The following LITAF variants were observed in gnomAD, a reference collection of about 807,000 sequenced individuals.
The protein encoded by LITAF is lipopolysaccharide-induced tumor necrosis factor-alpha factor.
Under a neutral mutation model 14.5 loss-of-function variants are expected in LITAF, and 9 were observed. The observed-to-expected ratio is 0.62, with a 90% confidence interval of 0.37 to 1.08. The LOEUF (loss-of-function observed/expected upper bound fraction) is 1.08, where lower values mean the gene tolerates loss of function less well. Ranked by LOEUF, LITAF falls within the 50% of genes least tolerant of loss-of-function variation. LITAF has a pLI of 0.01. For missense variants in LITAF, 206 were observed against 213.4 expected (o/e 0.97, Z 0.22); for synonymous variants, 98 against 88.2 (o/e 1.11, Z -0.62).
upstream of LITAF, among the ~76,000 whole-genome samples, chr16:11,637,015 G>A (rs112574898): frequency 1.1e-3 from 163 of 151,896 alleles, 1 homozygote; most frequent in African/African-American, 3.7e-3. Flanking sequence ...GATTACAGGC[G>A]CACACCACCA....
chr16:11,579,387 C>G (rs1189221359), intron 1 of LITAF, among the ~76,000 whole-genome samples: 2 of 151,700 alleles, frequency 1.3e-5, no homozygotes, highest in Non-Finnish European at 2.9e-5. Flanking sequence ...GGAGGCGGAG[C>G]TTGCAGTGAG....
In LITAF at chr16:11,548,944, G is replaced by T; in HGVS notation, c.*693C>A. The T allele has an allele frequency of 2.2e-6, 1 of 454,016 alleles. No individual in the cohort carries two copies. Among genetic ancestry groups the T allele is most frequent in the Middle Eastern group, 6.9e-4 (1 of 1,444 alleles). 28.1% of individuals were successfully genotyped at this position (454,016 alleles called of 1,614,324 possible). A position where few individuals can be genotyped will look rare whatever the true frequency, so the allele number is the denominator to read the frequency against. On this transcript the variant is annotated 3_prime_UTR_variant, in exon 4 of 4. Coordinates refer to ENST00000622633, the MANE Select transcript of LITAF (RefSeq NM_001136472.2). The stretch of plus-strand genomic sequence containing the variant: ...AGGGGCACTGAAGATCTGGCACAGA[G>T]AAACAAGGGGAGACAGGGCAGTGAT...
chr16:11,609,399 A>C (rs2064970625), intron 3 of LITAF, among the ~76,000 whole-genome samples: 5 of 151,850 alleles, frequency 3.3e-5, no homozygotes. Flanking sequence ...TTTTTAGTAG[A>C]GATGAGGTTT....
chr16:11,558,691 G>C lies in LITAF; in HGVS notation c.-5-1956C>G, dbSNP rs1020096324. Among the ~76,000 whole-genome samples the C allele has an allele frequency of 2.0e-5, 3 of 152,156 alleles. No individual in the cohort carries two copies. Among genetic ancestry groups the C allele is most frequent in the African/African-American group, 4.8e-5 (2 of 41,430 alleles). ...CCACTGCACTCCAGCCTGGGAAACA[G>C]AGCGAGACTCTGTCTCAAAAACAAA... On this transcript the variant is annotated intron_variant, in intron 1 of 3. Coordinates refer to ENST00000622633, the MANE Select transcript of LITAF (RefSeq NM_001136472.2). The surrounding 1 kb of genome is among the most constrained non-coding windows in gnomAD (Gnocchi z 4.1).
intron 3 of LITAF, among the ~76,000 whole-genome samples, chr16:11,610,804 A>G (rs2064978402): frequency 6.6e-6 from 1 of 152,120 alleles, no homozygotes. Context: ...CCTGTAATGT[A>G]CCAGAAGGGG....
chr16:11,608,782 G>A (rs974711687), intron 3 of LITAF, among the ~76,000 whole-genome samples: 1 of 152,146 alleles, frequency 6.6e-6, no homozygotes, highest in East Asian at 1.9e-4. Flanking sequence ...GGCCAACATG[G>A]TGAAACCCTG....
At chr16:11,571,770 CCT>C (rs2064544600) in intron 1 of LITAF, among the ~76,000 whole-genome samples, 1 of 152,150 alleles carries the variant, frequency 6.6e-6, no homozygotes, top group African/African-American at 2.4e-5. Flanking sequence ...CCAATCACGC[CCT>C]CTCGGCTGGC....
chr16:11,585,896 G>C (rs754622197), intron 1 of LITAF, among the ~76,000 whole-genome samples: 1 of 152,192 alleles, frequency 6.6e-6, no homozygotes, highest in Non-Finnish European at 1.5e-5. Flanking sequence ...CAGCTCCACT[G>C]TCGGGAAGTA....
At chr16:11,578,740 CA>C in intron 1 of LITAF, among the ~76,000 whole-genome samples, 1 of 152,374 alleles carries the variant, frequency 6.6e-6, no homozygotes, top group Middle Eastern at 3.4e-3. Flanking sequence ...CCAGAACCCA[CA>C]ACCCCACTGT....
At chr16:11,556,278 C>T (rs1005051799) in intron 2 of LITAF, 4 of 551,104 alleles carry the variant, frequency 7.3e-6, no homozygotes, top group Non-Finnish European at 9.7e-6. Context: ...CCAAAAGATT[C>T]GTATATGATG....
Position 11,592,471 on chromosome 16 carries a change from G to A in LITAF, c.-6+5917C>T, listed in dbSNP as rs542811364. On this transcript the variant is annotated intron_variant, in intron 1 of 3. Transcript: ENST00000571627. ...GGCACCTGTGGTCCCAGCTACTTGG[G>A]AGGTGAGGTGGGAGGATCACCTGAG... is the stretch of plus-strand genomic sequence containing the variant. Among the ~76,000 whole-genome samples the A allele has an allele frequency of 7.4e-4, 112 of 152,052 alleles. 1 individual carries two copies. Among genetic ancestry groups the A allele is most frequent in the Admixed American group, 1.2e-3 (19 of 15,256 alleles).
upstream of LITAF, among the ~76,000 whole-genome samples, chr16:11,601,340 T>C (rs2064925133): frequency 6.8e-6 from 1 of 146,972 alleles, no homozygotes; most frequent in Admixed American, 6.8e-5. Context: ...AACACCTTCA[T>C]GGGGCTACCA....
chr16:11,628,455 AT>A (rs1327015429), intron 3 of LITAF, among the ~76,000 whole-genome samples: 2 of 152,222 alleles, frequency 1.3e-5, no homozygotes, highest in Non-Finnish European at 2.9e-5. Context: ...TACCGAAAGT[AT>A]CCAATGAAAG....
intron 3 of LITAF, among the ~76,000 whole-genome samples, chr16:11,610,136 G>A (rs956963193): frequency 2.0e-5 from 3 of 152,220 alleles, no homozygotes; most frequent in Non-Finnish European, 4.4e-5. Context: ...ATCCAGCCCA[G>A]GAGGACTGGG....
intron 3 of LITAF, among the ~76,000 whole-genome samples, chr16:11,613,035 T>A (rs376231306): frequency 2.2e-4 from 33 of 152,238 alleles, no homozygotes; most frequent in African/African-American, 7.7e-4. Context: ...GATTTTTTTT[T>A]ATTTGTTTTT....
intron 3 of LITAF, among the ~76,000 whole-genome samples, chr16:11,628,271 T>C (rs2065096589): frequency 6.6e-6 from 1 of 152,134 alleles, no homozygotes; most frequent in Admixed American, 6.5e-5. Context: ...CTCGCTAAAC[T>C]TGGGGCCGCC....
At chr16:11,570,360 G>T (rs186986711) in intron 1 of LITAF, among the ~76,000 whole-genome samples, 3 of 152,106 alleles carry the variant, frequency 2.0e-5, no homozygotes, top group African/African-American at 7.2e-5. Flanking sequence ...ACAGTCACAC[G>T]GGGGCTTCAC....
chr16:11,639,766 G>A (rs2065157301), upstream of LITAF, among the ~76,000 whole-genome samples: 1 of 152,120 alleles, frequency 6.6e-6, no homozygotes, highest in Admixed American at 6.5e-5. Flanking sequence ...AGGCCGAGGA[G>A]GGCGGATCAC....
intron 3 of LITAF, among the ~76,000 whole-genome samples, chr16:11,552,573 C>T (rs1370512149): frequency 6.6e-6 from 1 of 152,158 alleles, no homozygotes; most frequent in Non-Finnish European, 1.5e-5. Context: ...TTGCCCTGTA[C>T]ACAGCTGGAA....
Sources: allele counts gnomAD v4.1 joint callset (sites outside exome capture counted in the v4.1 genomes callset), GRCh38; gene constraint gnomAD v4.1.1; non-coding constraint Gnocchi (gnomAD v3.1); transcripts MANE v1.5; gene names NCBI Gene and HGNC (gene_info 2026-07-23, HGNC 2026-07-21).